Variants in RALYL observed in about 807,000 individuals in gnomAD.
RALYL encodes the protein RNA-binding Raly-like protein.
Under a neutral mutation model 35.1 loss-of-function variants are expected in RALYL, and 29 were observed. The ratio of observed to expected loss-of-function variants is 0.83; its 90% confidence interval spans 0.61 to 1.13. The LOEUF (loss-of-function observed/expected upper bound fraction) is 1.13, where lower values mean the gene tolerates loss of function less well. RALYL is among the 50% of genes most tolerant of loss of function. The pLI, the probability that RALYL is intolerant of heterozygous loss-of-function variation, is 0.00. For synonymous variants in RALYL, 120 were observed against 127.6 expected (o/e 0.94, Z 0.40); for missense variants, 359 against 360.4 (o/e 1.00, Z 0.03).
intron 1 of RALYL, among the ~76,000 whole-genome samples, chr8:84,515,835 A>G (rs1473796262): frequency 1.3e-5 from 2 of 152,052 alleles, no homozygotes; most frequent in Non-Finnish European, 2.9e-5. Flanking sequence ...TACCAGAAAG[A>G]TTTCTCCTCT....
At chr8:84,855,498 A>C (rs1215573897) in intron 5 of RALYL, among the ~76,000 whole-genome samples, 2 of 152,358 alleles carry the variant, frequency 1.3e-5, no homozygotes, top group African/African-American at 4.8e-5. Context: ...ATCATTAAAC[A>C]GTAGATGAGT....
intron 1 of RALYL, among the ~76,000 whole-genome samples, chr8:84,281,531 A>T (rs1836556251): frequency 6.7e-6 from 1 of 149,730 alleles, no homozygotes; most frequent in African/African-American, 2.5e-5. Context: ...CATTCACCTG[A>T]CTCTTGCCCT....
At chr8:84,836,090 A>G (rs1411224748) in intron 4 of RALYL, among the ~76,000 whole-genome samples, 5 of 152,198 alleles carry the variant, frequency 3.3e-5, no homozygotes, top group Non-Finnish European at 7.3e-5. Context: ...CACAGTAGAG[A>G]GAAAAGTAAC....
At chr8:84,285,167 G>A (rs563800398) in intron 1 of RALYL, among the ~76,000 whole-genome samples, 3 of 152,168 alleles carry the variant, frequency 2.0e-5, no homozygotes, top group East Asian at 1.9e-4. Flanking sequence ...TGCCAAACAC[G>A]GCTCCGTGTC....
At chr8:84,248,220 T>C (rs1829500883) in intron 1 of RALYL, among the ~76,000 whole-genome samples, 1 of 152,120 alleles carries the variant, frequency 6.6e-6, no homozygotes. Context: ...ATGAGATATC[T>C]CTTTAGGATG....
chr8:84,802,631 A>G (rs1823617886), intron 3 of RALYL, among the ~76,000 whole-genome samples: 1 of 152,220 alleles, frequency 6.6e-6, no homozygotes, highest in Non-Finnish European at 1.5e-5. Context: ...ATCAATCAAT[A>G]AATACTACTG....
chr8:84,375,306 A>C (rs1343741660), intron 1 of RALYL, among the ~76,000 whole-genome samples: 2 of 151,864 alleles, frequency 1.3e-5, no homozygotes, highest in Non-Finnish European at 2.9e-5. Flanking sequence ...TGGTGGATAC[A>C]AACTGTCCTA....
chr8:84,694,357 G>A (rs115676163), intron 2 of RALYL, among the ~76,000 whole-genome samples: 64 of 151,806 alleles, frequency 4.2e-4, no homozygotes, highest in African/African-American at 1.5e-3. Context: ...AAACAATCTC[G>A]TTTACATAGC....
chr8:84,558,943 A>G (rs1449320087), intron 2 of RALYL, among the ~76,000 whole-genome samples: 1 of 152,122 alleles, frequency 6.6e-6, no homozygotes, highest in Non-Finnish European at 1.5e-5. Flanking sequence ...ACACAATAGT[A>G]ATCAACAATA....
chr8:84,519,396 A>C (rs1186312612), intron 1 of RALYL, among the ~76,000 whole-genome samples: 2 of 152,188 alleles, frequency 1.3e-5, no homozygotes, highest in Non-Finnish European at 2.9e-5. Flanking sequence ...AGCTATTCTC[A>C]ACATGACATA....
At chr8:84,771,589 G>T (rs1586126140) in intron 2 of RALYL, among the ~76,000 whole-genome samples, 1 of 152,112 alleles carries the variant, frequency 6.6e-6, no homozygotes, top group Admixed American at 6.5e-5. Context: ...AATTCAATGG[G>T]TTTTATTTGT....
At chr8:84,741,461 T>C (rs192729525) in intron 2 of RALYL, among the ~76,000 whole-genome samples, 1 of 152,046 alleles carries the variant, frequency 6.6e-6, no homozygotes, top group Non-Finnish European at 1.5e-5. Flanking sequence ...GAAAACAAAT[T>C]CAGTTCCAAA....
At chr8:84,235,519 G>A (rs1304973971) in intron 1 of RALYL, among the ~76,000 whole-genome samples, 2 of 152,182 alleles carry the variant, frequency 1.3e-5, no homozygotes, top group Non-Finnish European at 2.9e-5. Flanking sequence ...GGCATGGCCA[G>A]AAGATAACCT....
chr8:84,209,125 CAAA>C (rs60246316), intron 1 of RALYL, among the ~76,000 whole-genome samples: 7 of 97,478 alleles, frequency 7.2e-5, no homozygotes, highest in East Asian at 3.0e-4. Flanking sequence ...ACTCCTCCAC[CAAA>C]AAAAAAAAAA....
chr8:84,455,739 C>T (rs892624353), intron 1 of RALYL, among the ~76,000 whole-genome samples: 3 of 152,012 alleles, frequency 2.0e-5, no homozygotes, highest in Admixed American at 6.6e-5. Context: ...TTCAGGATCT[C>T]TAGATTAACT....
At chr8:84,469,740 A>G (rs1465631704) in intron 1 of RALYL, among the ~76,000 whole-genome samples, 1 of 152,128 alleles carries the variant, frequency 6.6e-6, no homozygotes, top group East Asian at 1.9e-4. Context: ...CCCCCAGCCT[A>G]GCTGCCCCCT....
At chr8:84,666,539 G>A (rs867170039) in intron 2 of RALYL, among the ~76,000 whole-genome samples, 1 of 152,128 alleles carries the variant, frequency 6.6e-6, no homozygotes, top group Middle Eastern at 3.4e-3. Context: ...CCGCATTTGT[G>A]CCAACTGAGG....
chr8:84,414,705 T>C (rs2044454056), intron 1 of RALYL, among the ~76,000 whole-genome samples: 1 of 152,190 alleles, frequency 6.6e-6, no homozygotes, highest in Admixed American at 6.5e-5. Flanking sequence ...AAATGAATTG[T>C]TTTTATTTGT....
At chr8:84,542,957 C>A (rs183389186) in intron 2 of RALYL, among the ~76,000 whole-genome samples, 148 of 152,166 alleles carry the variant, frequency 9.7e-4, no homozygotes, top group African/African-American at 3.5e-3. Flanking sequence ...ATCCCACATC[C>A]CCTTGTATTT....
Sources: gnomAD v4.1 joint callset for allele counts (sites outside exome capture counted in the v4.1 genomes callset) on GRCh38, gnomAD v4.1.1 for gene constraint, MANE v1.5 for transcripts, NCBI Gene and HGNC (gene_info 2026-07-23, HGNC 2026-07-21) for gene names.